TRAF5: variants seen among roughly 807,000 people sequenced by gnomAD.
TRAF5 encodes the protein TNF receptor-associated factor 5.
A neutral mutation model predicts 64.5 loss-of-function variants in TRAF5; 48 were observed. That is an observed-to-expected ratio of 0.74 (90% confidence interval 0.59 to 0.95). TRAF5 has a LOEUF of 0.95. TRAF5 is among the 40% of genes least tolerant of loss of function. The pLI is 0.00. For synonymous variants in TRAF5, 206 were observed against 240.5 expected (o/e 0.86, Z 1.33); for missense variants, 545 against 662.8 (o/e 0.82, Z 1.95).
At chr1:211,363,552 T>C (rs1282852082) in intron 7 of TRAF5, among the ~76,000 whole-genome samples, 1 of 152,208 alleles carries the variant, frequency 6.6e-6, no homozygotes, top group Non-Finnish European at 1.5e-5. Context: ...CATAAGCACA[T>C]ATTTCTTTTA....
At chr1:211,344,449 G>T (rs768399775) in intron 1 of TRAF5, among the ~76,000 whole-genome samples, 1 of 152,218 alleles carries the variant, frequency 6.6e-6, no homozygotes, top group Admixed American at 6.5e-5. Context: ...TCATCCTGGG[G>T]CAAGAACAGT....
chr1:211,345,377 T>A (rs1338956651), intron 1 of TRAF5, among the ~76,000 whole-genome samples: 1 of 151,954 alleles, frequency 6.6e-6, no homozygotes, highest in Non-Finnish European at 1.5e-5. Context: ...CCCCTCCTTT[T>A]TTTTTGCTTC....
chr1:211,362,698 C>A (rs1471358618), intron 7 of TRAF5, among the ~76,000 whole-genome samples: 1 of 151,928 alleles, frequency 6.6e-6, no homozygotes, highest in South Asian at 2.1e-4. Context: ...AACGAAAAAA[C>A]CCCCCCAACA....
chr1:211,346,696 T>C (rs1047619879), intron 1 of TRAF5, among the ~76,000 whole-genome samples: 4 of 152,236 alleles, frequency 2.6e-5, no homozygotes, highest in Non-Finnish European at 4.4e-5. Flanking sequence ...CCTTAAACTC[T>C]GCAAAATACA....
chr1:211,330,493 C>G (rs538255709), intron 1 of TRAF5, among the ~76,000 whole-genome samples: 2 of 152,090 alleles, frequency 1.3e-5, no homozygotes, highest in Non-Finnish European at 1.5e-5. Context: ...CTCCCTGCCT[C>G]CCTCCCACAG....
intron 1 of TRAF5, among the ~76,000 whole-genome samples, chr1:211,347,039 C>T (rs1460602069): frequency 1.3e-5 from 2 of 152,074 alleles, no homozygotes; most frequent in Non-Finnish European, 2.9e-5. Context: ...ATACGAATGC[C>T]ATTGACTGCA....
At chr1:211,332,289 G>A (rs1380420146) in intron 1 of TRAF5, among the ~76,000 whole-genome samples, 4 of 152,198 alleles carry the variant, frequency 2.6e-5, no homozygotes, top group Admixed American at 1.3e-4. Context: ...TGGCTTGATA[G>A]CCAGGAGCAG....
chr1:211,349,034 TAAAAA>T (rs373131975), intron 1 of TRAF5, among the ~76,000 whole-genome samples: 6 of 84,674 alleles, frequency 7.1e-5, no homozygotes, highest in Non-Finnish European at 1.3e-4. Flanking sequence ...ACTCTGTCTC[TAAAAA>T]AAAAAAAAAA....
At chr1:211,355,920 C>T (rs983036344) in intron 3 of TRAF5, among the ~76,000 whole-genome samples, 1 of 152,164 alleles carries the variant, frequency 6.6e-6, no homozygotes, top group African/African-American at 2.4e-5. Context: ...CAGAGATGAT[C>T]GTGATGTGGA....
chr1:211,365,303 C>A, intron 7 of TRAF5, 73 bp from the exon 8 acceptor site: 1 of 1,243,708 alleles, frequency 8.0e-7, no homozygotes, highest in Non-Finnish European at 1.1e-6. Context: ...TCTATTTTAG[C>A]AGAATATCCT....
chr1:211,361,519 T>A lies in TRAF5; in HGVS notation c.696+357T>A, dbSNP rs115030280. 8.0e-3 allele frequency among the ~76,000 whole-genome samples: 1,215 copies of A among 152,196 alleles called. 10 individuals carry two copies. The highest frequency in any genetic ancestry group is 0.031 in the Middle Eastern group (9 of 294). ...CTCTGAAGGCCTTCAAATGATTGGA[T>A]GAGGCCCACCACACTATGGAGGGTA... On this transcript the variant is annotated intron_variant, in intron 7 of 10. Transcript: ENST00000261464.
chr1:211,368,974 GT>G (rs760575044), intron 8 of TRAF5: 4 of 152,456 alleles, frequency 2.6e-5, no homozygotes, highest in African/African-American at 7.2e-5. Flanking sequence ...ATTTAATGTG[GT>G]ATGGTGATCA....
intron 2 of TRAF5, among the ~76,000 whole-genome samples, chr1:211,354,108 C>T (rs2102744817): frequency 6.6e-6 from 1 of 152,318 alleles, no homozygotes; most frequent in South Asian, 2.1e-4. Context: ...TCTAGAATGT[C>T]CCAGTCTAGA....
intron 1 of TRAF5, among the ~76,000 whole-genome samples, chr1:211,327,268 G>A (rs1239640432): frequency 6.6e-6 from 1 of 152,136 alleles, no homozygotes; most frequent in Non-Finnish European, 1.5e-5. Context: ...TGGCGGGGAG[G>A]ACTTTCAGGC....
chr1:211,330,814 C>T (rs566829401), intron 1 of TRAF5, among the ~76,000 whole-genome samples: 2 of 152,298 alleles, frequency 1.3e-5, no homozygotes, highest in African/African-American at 4.8e-5. Flanking sequence ...CCTCCTCTGT[C>T]CTGCAAGTGC....
chr1:211,335,726 G>C (rs1009056037), intron 1 of TRAF5, among the ~76,000 whole-genome samples: 1 of 152,148 alleles, frequency 6.6e-6, no homozygotes, highest in Non-Finnish European at 1.5e-5. Flanking sequence ...TTCCGGAAGA[G>C]ACAACAGCTT....
In TRAF5 at chr1:211,327,922, A is replaced by T. The variant is rs550233539; in HGVS notation, c.-2+1033A>T. Among the ~76,000 whole-genome samples the T allele has an allele frequency of 4.6e-5, 7 of 152,300 alleles. No homozygotes were observed. The South Asian group carries it at 8.3e-4, about 18-fold the overall frequency. ...TCTGGTAACCAGTTTAATTCTGTAA[A>T]TATTTATTGGGCAGGTGCTGTGTGA... On this transcript the variant is annotated intron_variant, in intron 1 of 10. Transcript: ENST00000261464.
intron 1 of TRAF5, among the ~76,000 whole-genome samples, chr1:211,350,028 A>G (rs1219982331): frequency 6.6e-6 from 1 of 152,178 alleles, no homozygotes; most frequent in Non-Finnish European, 1.5e-5. Context: ...AGGGCTGTGC[A>G]TGTAAATAAA....
rs570531116 is a variant in TRAF5 at position 211,360,168 on chromosome 1, C to G, written c.543+92C>G. On this transcript the variant is annotated intron_variant, in intron 5 of 10. Transcript: ENST00000261464. ...TCAGGTGGAATGCCAGAAGAACATT[C>G]CTGCATTTATTTTTGTACAGAATTA... 3.2e-5 allele frequency: 43 copies of G among 1,333,290 alleles called. No individual in the cohort carries two copies. The East Asian group carries it at 9.1e-4, about 28-fold the overall frequency. 82.6% of individuals were successfully genotyped at this position (1,333,290 alleles called of 1,614,324 possible).
Sources: allele counts gnomAD v4.1 joint callset (sites outside exome capture counted in the v4.1 genomes callset), GRCh38; gene constraint gnomAD v4.1.1; transcripts MANE v1.5; gene names NCBI Gene and HGNC (gene_info 2026-07-23, HGNC 2026-07-21).